The following CSRNP2 variants were observed in gnomAD, a reference collection of about 807,000 sequenced individuals.
CSRNP2 encodes cysteine and serine rich nuclear protein 2, also known as cysteine/serine-rich nuclear protein 2.
Under a neutral mutation model 36.6 loss-of-function variants are expected in CSRNP2, and 11 were observed. The observed-to-expected ratio is 0.30, with a 90% CI of 0.19 to 0.50. The LOEUF is 0.50. Ranked by LOEUF, CSRNP2 falls within the 20% of genes least tolerant of loss-of-function variation. CSRNP2 has a pLI of 0.98. For synonymous variants in CSRNP2, 248 were observed against 275.3 expected (o/e 0.90, Z 0.98); for missense variants, 483 against 691.4 (o/e 0.70, Z 3.38).
At chr12:51,075,159 C>G (rs556121479) in intron 2 of CSRNP2, among the ~76,000 whole-genome samples, 34 of 152,142 alleles carry the variant, frequency 2.2e-4, no homozygotes, top group African/African-American at 7.5e-4. Flanking sequence ...GTCACCCAGG[C>G]TAGAGTGCAT....
At chr12:51,064,784 A>C in intron 4 of CSRNP2, 115 bp from the exon 5 acceptor site, 1 of 779,024 alleles carries the variant, frequency 1.3e-6, no homozygotes, top group Non-Finnish European at 1.9e-6. Context: ...TGTAAGAAGA[A>C]AAGCAACCAA....
Position 51,067,553 on chromosome 12 carries a change from G to A in CSRNP2, c.708+120C>T. The A allele has an allele frequency of 1.1e-6, 1 of 912,990 alleles. No homozygotes were observed. Among genetic ancestry groups the A allele is most frequent in the Non-Finnish European group, 1.7e-6 (1 of 594,498 alleles). 56.6% of individuals were successfully genotyped at this position (912,990 alleles called of 1,614,324 possible). On this transcript the variant is annotated intron_variant, in intron 4 of 4. Coordinates refer to ENST00000228515, the MANE Select transcript of CSRNP2 (RefSeq NM_030809.3). This position sits in a 1 kb window ranked among gnomAD's most constrained non-coding sequence, Gnocchi z 4.1. ...TTGACGGAGGAGGGTTGTGGAACTG[G>A]AGAGTGTTCACAACCATAGGGAATC... is the stretch of plus-strand genomic sequence containing the variant.
Position 51,066,047 on chromosome 12 carries a change from C to T in CSRNP2, c.709-1378G>A, listed in dbSNP as rs144243588. 5.5e-3 allele frequency among the ~76,000 whole-genome samples: 842 copies of T among 152,300 alleles called. 3 individuals carry two copies. The highest frequency in any genetic ancestry group is 0.037 in the East Asian group (190 of 5,176). On this transcript the variant is annotated intron_variant, in intron 4 of 4. Coordinates refer to ENST00000228515, the MANE Select transcript of CSRNP2 (RefSeq NM_030809.3). ...CAGAGGGCCAACAAGGGGCCAGGCA[C>T]GGTGGCTCATGCCTGTAATCCCAGT...
chr12:51,083,551 C>A lies in CSRNP2; in HGVS notation c.-299G>T, dbSNP rs1054332499. 2.0e-5 allele frequency: 3 copies of A among 152,264 alleles called. No homozygotes were observed. The highest frequency in any genetic ancestry group is 7.2e-5 in the African/African-American group (3 of 41,470). 9.4% of individuals were successfully genotyped at this position (152,264 alleles called of 1,614,324 possible). On this transcript the variant is annotated 5_prime_UTR_variant, in exon 1 of 5. Coordinates refer to ENST00000228515, the MANE Select transcript of CSRNP2 (RefSeq NM_030809.3). Reference sequence around the variant, plus strand: ...CCGGGCGTCTCCGGCAACTCGGGCGCCCCCGGCAGCAGACGCCCAGAACCG... The same window carrying A: ...CCGGGCGTCTCCGGCAACTCGGGCGACCCCGGCAGCAGACGCCCAGAACCG...
chr12:51,065,501 T>G (rs1938083641), intron 4 of CSRNP2, among the ~76,000 whole-genome samples: 1 of 152,208 alleles, frequency 6.6e-6, no homozygotes, highest in African/African-American at 2.4e-5. Context: ...TTATACCATT[T>G]TTTTTTCCTT....
In CSRNP2 at chr12:51,069,549, A is replaced by T. The variant is rs184708342; in HGVS notation, c.412-1580T>A. Reference sequence around the variant, plus strand: ...TGATACACCCAACTCCACCTCCCTAAGTGCTATAATTACAGGCCTGAGCCA... The same window carrying T: ...TGATACACCCAACTCCACCTCCCTATGTGCTATAATTACAGGCCTGAGCCA... On this transcript the variant is annotated intron_variant, in intron 3 of 4. Coordinates refer to ENST00000228515, the MANE Select transcript of CSRNP2 (RefSeq NM_030809.3). Among the ~76,000 whole-genome samples the T allele has an allele frequency of 2.6e-3, 385 of 150,376 alleles. 24 individuals are homozygous for T. Among genetic ancestry groups the T allele is most frequent in the African/African-American group, 8.4e-3 (337 of 39,938 alleles).
chr12:51,078,267 T>C (rs1592769928), intron 1 of CSRNP2, among the ~76,000 whole-genome samples: 1 of 152,156 alleles, frequency 6.6e-6, no homozygotes, highest in Non-Finnish European at 1.5e-5. Context: ...AATAAGTACC[T>C]TAGAGAAGGT....
chr12:51,068,074 G>C (rs1406330216), intron 3 of CSRNP2, 105 bp from the exon 4 acceptor site: 2 of 1,087,766 alleles, frequency 1.8e-6, no homozygotes, highest in Non-Finnish European at 2.7e-6. Flanking sequence ...GCAATCATGG[G>C]AATATCTGTG....
At chr12:51,069,766 C>A (rs1462128332) in intron 3 of CSRNP2, among the ~76,000 whole-genome samples, 2 of 150,276 alleles carry the variant, frequency 1.3e-5, no homozygotes, top group East Asian at 2.0e-4. Context: ...AATCTCGGCT[C>A]ACTGCAAGCT....
intron 3 of CSRNP2, among the ~76,000 whole-genome samples, chr12:51,070,741 A>G (rs1470099713): frequency 6.6e-6 from 1 of 152,220 alleles, no homozygotes; most frequent in African/African-American, 2.4e-5. Flanking sequence ...GCGGAACACC[A>G]AGCAGCTGCT....
chr12:51,079,870 C>T (rs1378226618), intron 1 of CSRNP2, among the ~76,000 whole-genome samples: 8 of 149,170 alleles, frequency 5.4e-5, no homozygotes, highest in South Asian at 2.1e-4. Flanking sequence ...GTCAAGAGAT[C>T]GAGACCATCC....
At chr12:51,068,107 C>A in intron 3 of CSRNP2, 138 bp from the exon 4 acceptor site, 1 of 724,016 alleles carries the variant, frequency 1.4e-6, no homozygotes. Context: ...ATGGCAGCTA[C>A]TAGCACATGT....
chr12:51,079,176 G>T (rs1468525382), intron 1 of CSRNP2, among the ~76,000 whole-genome samples: 1 of 152,000 alleles, frequency 6.6e-6, no homozygotes, highest in Admixed American at 6.6e-5. Context: ...TGAACAATGA[G>T]AACACATGGA....
intron 1 of CSRNP2, chr12:51,083,045 A>G (rs1007249811): frequency 6.6e-6 from 1 of 151,598 alleles, no homozygotes; most frequent in African/African-American, 2.4e-5. Context: ...TCCGAACTCA[A>G]TCCTCATCTG....
At position 51,064,260 on chromosome 12, in the gene CSRNP2, G is replaced by A. The variant is rs779824813; in HGVS notation, c.1118C>T (p.Pro373Leu). Residue 373 changes from proline to leucine, a missense_variant, in exon 5 of 5, where the codon CCA (proline) becomes CTA (leucine). By Grantham distance (98) the Pro-to-Leu change is moderately conservative (BLOSUM62 -3). Coordinates refer to ENST00000228515, the MANE Select transcript of CSRNP2 (RefSeq NM_030809.3). ...EPLAVPEELC[P>L]GLTAPILIQA... ...GATGAGAATGGGGGCTGTAAGGCCTGGGCACAGCTCTTCGGGGACAGCCAG... is the reference window on the plus strand; with the variant it reads ...GATGAGAATGGGGGCTGTAAGGCCTAGGCACAGCTCTTCGGGGACAGCCAG... 5 of 1,613,056 alleles carry A rather than the reference G, an allele frequency of 3.1e-6. No homozygotes were observed. In the African/African-American group the frequency reaches 4.0e-5, roughly 13 times the overall value.
chr12:51,073,686 A>C (rs919130559), intron 3 of CSRNP2, 137 bp downstream of exon 3: 25 of 847,596 alleles, frequency 2.9e-5, no homozygotes, highest in Non-Finnish European at 4.2e-5. Context: ...ATATCATGCC[A>C]GTGCACTCCA....
chr12:51,077,796 A>C (rs1261722274), intron 1 of CSRNP2, among the ~76,000 whole-genome samples: 1 of 152,216 alleles, frequency 6.6e-6, no homozygotes, highest in Non-Finnish European at 1.5e-5. Context: ...AGAAATCAGC[A>C]AGGGGAAAAC....
chr12:51,083,326 C>T lies in CSRNP2; in HGVS notation c.-87+13G>A, dbSNP rs1939714435. ...AGGCGGCACCCTCCGCCCCGCACCC[C>T]TAGGCCCATTACCGGCCCCGCCGCA... On this transcript the variant is annotated intron_variant, in intron 1 of 4. Coordinates refer to ENST00000228515, the MANE Select transcript of CSRNP2 (RefSeq NM_030809.3). 2 of 154,972 alleles carry T rather than the reference C, an allele frequency of 1.3e-5. No individual in the cohort carries two copies. Among genetic ancestry groups the T allele is most frequent in the Admixed American group, 1.3e-4 (2 of 15,308 alleles). 9.6% of individuals were successfully genotyped at this position (154,972 alleles called of 1,614,324 possible).
intron 2 of CSRNP2, 30 bp downstream of exon 2, chr12:51,076,381 G>C: frequency 6.2e-7 from 1 of 1,610,428 alleles, no homozygotes; most frequent in Non-Finnish European, 8.5e-7. Flanking sequence ...GGGAATGTGG[G>C]TATAGGCAGG....
Sources: allele counts gnomAD v4.1 joint callset (sites outside exome capture counted in the v4.1 genomes callset), GRCh38; gene constraint gnomAD v4.1.1; non-coding constraint Gnocchi (gnomAD v3.1); transcripts MANE v1.5; gene names NCBI Gene and HGNC (gene_info 2026-07-23, HGNC 2026-07-21).